COL24A1: variants seen among roughly 807,000 people sequenced by gnomAD.
COL24A1 encodes collagen alpha-1(XXIV) chain.
Under a neutral mutation model 253.9 loss-of-function variants are expected in COL24A1, and 224 were observed. The ratio of observed to expected loss-of-function variants is 0.88; its 90% CI spans 0.79 to 0.99. COL24A1 has a LOEUF of 0.99. Ranked by LOEUF, COL24A1 falls within the 50% of genes least tolerant of loss-of-function variation. The probability of loss-of-function intolerance (pLI) is 0.00; values close to 1 mark genes in which losing one functional copy is unlikely to be tolerated. For synonymous variants in COL24A1, 685 were observed against 673.7 expected (o/e 1.02, Z -0.26); for missense variants, 2,131 against 2,068.5 (o/e 1.03, Z -0.59).
intron 12 of COL24A1, among the ~76,000 whole-genome samples, chr1:86,045,178 TGG>T (rs1699801317): frequency 6.6e-6 from 1 of 151,882 alleles, no homozygotes; most frequent in Non-Finnish European, 1.5e-5. Flanking sequence ...GTAGTAGAGA[TGG>T]GGTTTTGCCA....
intron 51 of COL24A1, among the ~76,000 whole-genome samples, chr1:85,781,818 G>A (rs928342864): frequency 3.3e-5 from 5 of 152,082 alleles, no homozygotes; most frequent in Admixed American, 2.6e-4. Flanking sequence ...TATGAAAAGT[G>A]CTTTTAAAAC....
intron 2 of COL24A1, among the ~76,000 whole-genome samples, chr1:86,144,789 A>G (rs537300159): frequency 9.9e-5 from 15 of 152,194 alleles, no homozygotes; most frequent in African/African-American, 3.6e-4. Flanking sequence ...CAGCAATTCT[A>G]TCATGGCCAT....
chr1:86,084,287 TTTAA>T (rs1255027810), intron 7 of COL24A1, among the ~76,000 whole-genome samples: 2 of 152,342 alleles, frequency 1.3e-5, no homozygotes, highest in South Asian at 4.1e-4. Flanking sequence ...GAATAGAGAT[TTTAA>T]TTATTTTTCT....
rs146440951 is a variant in COL24A1 at position 85,895,993 on chromosome 1, C to A, written c.2877+28G>T. 1.1e-3 allele frequency: 1,722 copies of A among 1,603,848 alleles called. 7 individuals are homozygous for A. Among genetic ancestry groups the A allele is most frequent in the Middle Eastern group, 4.8e-3 (29 of 5,982 alleles). On this transcript the variant is annotated intron_variant, in intron 30 of 59. Coordinates refer to ENST00000370571, the MANE Select transcript of COL24A1 (RefSeq NM_152890.7). ...AACAAAAAAGACTTAAAATGTTCAT[C>A]TTTAATGTGAAATGTTTTATTACTT...
Position 85,984,716 on chromosome 1 carries a change from G to A in COL24A1, c.2364+2885C>T, listed in dbSNP as rs115702429. On this transcript the variant is annotated intron_variant, in intron 20 of 59. Coordinates refer to ENST00000370571, the MANE Select transcript of COL24A1 (RefSeq NM_152890.7). ...TTTCTGCTTTTCAACCTGGTTTACCGCGAACTATTAATTATTTCTACCTCT... is the reference window on the plus strand; with the variant it reads ...TTTCTGCTTTTCAACCTGGTTTACCACGAACTATTAATTATTTCTACCTCT... Among the ~76,000 whole-genome samples, 413 of 151,670 alleles carry A rather than the reference G, an allele frequency of 2.7e-3. 2 individuals are homozygous for A. The highest frequency in any genetic ancestry group is 8.1e-3 in the African/African-American group (336 of 41,464).
chr1:85,833,000 G>T (rs540042186), intron 43 of COL24A1, among the ~76,000 whole-genome samples: 227 of 151,908 alleles, frequency 1.5e-3, no homozygotes, highest in African/African-American at 5.3e-3. Flanking sequence ...TCCCTGTCTT[G>T]TGCCAGTTTT....
intron 19 of COL24A1, among the ~76,000 whole-genome samples, chr1:85,989,123 T>TG (rs1553252076): frequency 6.6e-6 from 1 of 151,770 alleles, no homozygotes; most frequent in Non-Finnish European, 1.5e-5. Flanking sequence ...TGTTTTTTTG[T>TG]GGGGGGGATT....
intron 47 of COL24A1, among the ~76,000 whole-genome samples, chr1:85,791,559 G>A (rs533863013): frequency 2.2e-4 from 33 of 152,238 alleles, no homozygotes; most frequent in Non-Finnish European, 4.0e-4. Flanking sequence ...CACTTGAGGA[G>A]TTTCCACCTA....
At chr1:85,734,400 T>C (rs1663829355) in intron 59 of COL24A1, among the ~76,000 whole-genome samples, 1 of 152,154 alleles carries the variant, frequency 6.6e-6, no homozygotes, top group African/African-American at 2.4e-5. Flanking sequence ...CACATGAAAA[T>C]ATTTATCCAA....
chr1:86,080,879 C>T (rs1702587172), intron 7 of COL24A1, among the ~76,000 whole-genome samples: 2 of 152,042 alleles, frequency 1.3e-5, no homozygotes, highest in Admixed American at 1.3e-4. Context: ...CACAGATCCT[C>T]CTCACTTTGC....
At chr1:85,944,967 A>C in intron 24 of COL24A1, among the ~76,000 whole-genome samples, 1 of 103,948 alleles carries the variant, frequency 9.6e-6, no homozygotes. Context: ...CATGGTGTAT[A>C]TGTGCCACAT....
chr1:85,974,530 C>G (rs1238541099), intron 20 of COL24A1, among the ~76,000 whole-genome samples: 1 of 151,972 alleles, frequency 6.6e-6, no homozygotes, highest in Non-Finnish European at 1.5e-5. Flanking sequence ...TTACAAAACA[C>G]GCAAAGTACC....
At chr1:85,815,324 C>T (rs1176822017) in intron 47 of COL24A1, among the ~76,000 whole-genome samples, 2 of 151,992 alleles carry the variant, frequency 1.3e-5, no homozygotes, top group Non-Finnish European at 2.9e-5. Context: ...AGATGGAAGC[C>T]CAGTGCATGA....
At chr1:85,927,362 C>T (rs532115938) in intron 24 of COL24A1, among the ~76,000 whole-genome samples, 231 of 151,602 alleles carry the variant, frequency 1.5e-3, no homozygotes, top group African/African-American at 5.1e-3. Context: ...CCGAATATTG[C>T]GCTTTTCAGA....
chr1:86,112,535 T>C lies in COL24A1; in HGVS notation c.1599+32A>G. The C allele has an allele frequency of 1.9e-6, 3 of 1,594,896 alleles. No homozygotes were observed. In the East Asian group the frequency reaches 6.7e-5, roughly 36 times the overall value. The stretch of plus-strand genomic sequence containing the variant: ...ATCAGGAAAATCAGGTGATACTCAT[T>C]AGCTTAAGTTGCCTGATTAGTAGTC... On this transcript the variant is annotated intron_variant, in intron 5 of 59. Transcript: ENST00000370571.
intron 8 of COL24A1, 46 bp from the exon 9 acceptor site, chr1:86,059,220 C>G: frequency 7.2e-7 from 1 of 1,396,542 alleles, no homozygotes; most frequent in East Asian, 2.4e-5. Flanking sequence ...CCAAAGGAAA[C>G]AAATTTGGTA....
intron 12 of COL24A1, among the ~76,000 whole-genome samples, chr1:86,040,232 C>A (rs1699359431): frequency 6.6e-6 from 1 of 152,076 alleles, no homozygotes; most frequent in African/African-American, 2.4e-5. Flanking sequence ...TCCCTGAGCC[C>A]AACCTAGGCC....
At chr1:85,734,525 A>G (rs758503305) in intron 59 of COL24A1, among the ~76,000 whole-genome samples, 13 of 152,330 alleles carry the variant, frequency 8.5e-5, no homozygotes, top group Admixed American at 2.6e-4. Context: ...CCTGTTTTGC[A>G]TGCAAAAATC....
At chr1:86,083,291 C>T (rs955917727) in intron 7 of COL24A1, among the ~76,000 whole-genome samples, 6 of 148,310 alleles carry the variant, frequency 4.0e-5, no homozygotes, top group African/African-American at 1.5e-4. Context: ...GAGCGAGGCT[C>T]CGTCTCAAAA....
Sources: allele counts gnomAD v4.1 joint callset (sites outside exome capture counted in the v4.1 genomes callset), GRCh38; gene constraint gnomAD v4.1.1; transcripts MANE v1.5; gene names NCBI Gene and HGNC (gene_info 2026-07-23, HGNC 2026-07-21).